The following NAA35 variants were observed in gnomAD, a reference collection of about 807,000 sequenced individuals.
NAA35 encodes N-alpha-acetyltransferase 35, NatC auxiliary subunit, also known as MAK10 homolog, amino-acid N-acetyltransferase subunit.
Under a neutral mutation model 101.7 loss-of-function variants are expected in NAA35, and 18 were observed. That is an observed-to-expected ratio of 0.18 (90% CI 0.12 to 0.26). The LOEUF is 0.26. Ranked by LOEUF, NAA35 falls within the 10% of genes least tolerant of loss-of-function variation. NAA35 has a pLI of 1.00. For synonymous variants in NAA35, 267 were observed against 273.1 expected (o/e 0.98, Z 0.22); for missense variants, 601 against 886.8 (o/e 0.68, Z 4.09).
chr9:85,986,537 G>A (rs992229606), intron 11 of NAA35: 11 of 445,330 alleles, frequency 2.5e-5, no homozygotes, highest in Admixed American at 1.3e-4. Flanking sequence ...GAAAAGAAAC[G>A]AAGGAGTACT....
chr9:86,014,036 G>C (rs1262465817), intron 17 of NAA35, 139 bp downstream of exon 17: 1 of 609,700 alleles, frequency 1.6e-6, no homozygotes, highest in Non-Finnish European at 2.6e-6. Flanking sequence ...TTGAAAATTA[G>C]AGCTAGATCA....
At chr9:86,011,706 G>A (rs901792430) in intron 15 of NAA35, among the ~76,000 whole-genome samples, 1 of 148,930 alleles carries the variant, frequency 6.7e-6, no homozygotes, top group Non-Finnish European at 1.5e-5. Flanking sequence ...ACTCCAACAG[G>A]CAGCTTTTTT....
chr9:85,975,731 T>A (rs925039274), intron 8 of NAA35, among the ~76,000 whole-genome samples: 1 of 152,220 alleles, frequency 6.6e-6, no homozygotes, highest in Non-Finnish European at 1.5e-5. Flanking sequence ...TGCCAGTGTT[T>A]TAGATTTTTA....
intron 11 of NAA35, among the ~76,000 whole-genome samples, chr9:85,983,041 A>G (rs1033663002): frequency 6.6e-6 from 1 of 152,204 alleles, no homozygotes; most frequent in East Asian, 1.9e-4. Context: ...GAACTGGTTG[A>G]TAATCTGTTC....
In NAA35 at chr9:85,945,554, A is replaced by G. The variant is rs1339522268; in HGVS notation, c.124+3271A>G. Among the ~76,000 whole-genome samples, 10 of 151,640 alleles carry G rather than the reference A, an allele frequency of 6.6e-5. No individual in the cohort carries two copies. In the East Asian group the frequency reaches 1.5e-3, roughly 23 times the overall value. On this transcript the variant is annotated intron_variant, in intron 2 of 22. Coordinates refer to ENST00000361671, the MANE Select transcript of NAA35 (RefSeq NM_024635.4). ...GGTGATTTTTTTTTTTTGAGATGGA[A>G]TCTCGCTGTCACCCAGGCTGGAGTG...
At chr9:85,968,155 G>A (rs182276172) in intron 6 of NAA35, among the ~76,000 whole-genome samples, 1 of 152,154 alleles carries the variant, frequency 6.6e-6, no homozygotes, top group East Asian at 1.9e-4. Context: ...TGGCTTCCTT[G>A]GAGTTTCTGA....
At chr9:85,941,357 T>C (rs1828503079) in intron 1 of NAA35, 84 bp downstream of exon 1, 1 of 985,426 alleles carries the variant, frequency 1.0e-6, no homozygotes, top group African/African-American at 1.7e-5. Flanking sequence ...TGGCAGATCC[T>C]GGGGACCCCA....
chr9:85,999,814 CATT>C (rs1831337455), intron 12 of NAA35, among the ~76,000 whole-genome samples: 1 of 152,184 alleles, frequency 6.6e-6, no homozygotes, highest in Non-Finnish European at 1.5e-5. Context: ...AAAATACATA[CATT>C]ATTATTTAAC....
At chr9:86,003,442 T>C (rs1831499980) in intron 12 of NAA35, 143 bp from the exon 13 acceptor site, 2 of 430,434 alleles carry the variant, frequency 4.6e-6, no homozygotes, top group South Asian at 6.7e-5. Flanking sequence ...ATAATTTCTA[T>C]AGAAATGACC....
chr9:86,013,492 G>T (rs759349514), intron 16 of NAA35, among the ~76,000 whole-genome samples: 1 of 152,094 alleles, frequency 6.6e-6, no homozygotes, highest in Non-Finnish European at 1.5e-5. Context: ...TTGTATTTTT[G>T]TCCTTTAAAA....
At chr9:86,000,875 T>C (rs575840395) in intron 12 of NAA35, among the ~76,000 whole-genome samples, 1 of 152,300 alleles carries the variant, frequency 6.6e-6, no homozygotes, top group South Asian at 2.1e-4. Context: ...TGGGTTTTCA[T>C]GTCTTGATTT....
intron 11 of NAA35, among the ~76,000 whole-genome samples, chr9:85,995,165 T>C (rs1180772346): frequency 6.6e-6 from 1 of 152,014 alleles, no homozygotes; most frequent in Non-Finnish European, 1.5e-5. Flanking sequence ...TTTGAAAATA[T>C]CAGTTATACT....
chr9:85,964,379 G>T (rs1311392080), intron 6 of NAA35, among the ~76,000 whole-genome samples: 1 of 152,106 alleles, frequency 6.6e-6, no homozygotes, highest in African/African-American at 2.4e-5. Flanking sequence ...TGACACTTTA[G>T]TGTGTTTCTT....
chr9:85,941,283 G>A lies in NAA35; in HGVS notation c.-6+10G>A, dbSNP rs891891429. ...ACCACGGGAGAAGTAGGTAGGGACC[G>A]CCCCTGCGTAGCCATTGAAACCCTC... On this transcript the variant is annotated intron_variant, in intron 1 of 22. Coordinates refer to ENST00000361671, the MANE Select transcript of NAA35 (RefSeq NM_024635.4). The A allele has an allele frequency of 9.1e-6, 9 of 985,494 alleles. No homozygotes were observed. The highest frequency in any genetic ancestry group is 1.2e-4 in the Admixed American group (2 of 16,268). 61.0% of individuals were successfully genotyped at this position (985,494 alleles called of 1,614,324 possible).
chr9:86,013,928 G>A, intron 17 of NAA35, 31 bp downstream of exon 17: 6 of 1,522,364 alleles, frequency 3.9e-6, no homozygotes, highest in Non-Finnish European at 5.4e-6. Context: ...AAAATTGGTG[G>A]TGGGTGCAAT....
rs540213990 is a variant in NAA35 at position 86,016,732 on chromosome 9, A to C, written c.1705+57A>C. 1.2e-5 allele frequency: 18 copies of C among 1,546,518 alleles called. No individual in the cohort carries two copies. The East Asian group carries it at 1.6e-4, about 14-fold the overall frequency. On this transcript the variant is annotated intron_variant, in intron 18 of 22. Transcript: ENST00000361671. ...GAGTGTACTTTAATTTCTACAGATA[A>C]ATAGATGGAGAGCTACTCGTGAGTT...
At chr9:85,990,294 C>A (rs1830847438) in intron 11 of NAA35, among the ~76,000 whole-genome samples, 2 of 152,242 alleles carry the variant, frequency 1.3e-5, no homozygotes, top group African/African-American at 4.8e-5. Context: ...ACATCTGCCC[C>A]CTTTACTCAG....
At chr9:86,014,262 T>G (rs989705776) in intron 17 of NAA35, 5 of 444,220 alleles carry the variant, frequency 1.1e-5, no homozygotes, top group Non-Finnish European at 1.5e-5. Flanking sequence ...AGGTCTGTCT[T>G]CTTGGAAGAA....
intron 15 of NAA35, among the ~76,000 whole-genome samples, chr9:86,011,365 A>G (rs1301875225): frequency 6.6e-6 from 1 of 151,260 alleles, no homozygotes; most frequent in Non-Finnish European, 1.5e-5. Flanking sequence ...TAAAATATTT[A>G]TTTATTTATT....
Sources: allele counts gnomAD v4.1 joint callset (sites outside exome capture counted in the v4.1 genomes callset), GRCh38; gene constraint gnomAD v4.1.1; transcripts MANE v1.5; gene names NCBI Gene and HGNC (gene_info 2026-07-23, HGNC 2026-07-21).